Variants in TMTC1 observed in about 807,000 individuals in gnomAD.
The protein encoded by TMTC1 is transmembrane O-mannosyltransferase targeting cadherins 1, also known as protein O-mannosyl-transferase TMTC1.
Under a neutral mutation model 104.8 loss-of-function variants are expected in TMTC1, and 73 were observed. The ratio of observed to expected loss-of-function variants is 0.70; its 90% confidence interval spans 0.58 to 0.85. The LOEUF is 0.85. TMTC1 is among the 40% of genes least tolerant of loss of function. The probability of loss-of-function intolerance (pLI) is 0.00; values close to 1 mark genes in which losing one functional copy is unlikely to be tolerated. For synonymous variants in TMTC1, 434 were observed against 428.7 expected (o/e 1.01, Z -0.15); for missense variants, 1,035 against 1,096.1 (o/e 0.94, Z 0.79).
intron 5 of TMTC1, among the ~76,000 whole-genome samples, chr12:29,699,597 T>C (rs1268698367): frequency 1.3e-5 from 2 of 151,868 alleles, no homozygotes; most frequent in African/African-American, 4.8e-5. Context: ...AAGATAGTTT[T>C]AGAAATCAGT....
chr12:29,636,990 G>A (rs1368210283), intron 5 of TMTC1, among the ~76,000 whole-genome samples: 3 of 151,938 alleles, frequency 2.0e-5, no homozygotes, highest in Non-Finnish European at 2.9e-5. Flanking sequence ...AGCCAGGGAG[G>A]TCAAGGCTGG....
At chr12:29,642,281 G>A (rs1179530353) in intron 5 of TMTC1, among the ~76,000 whole-genome samples, 1 of 152,144 alleles carries the variant, frequency 6.6e-6, no homozygotes, top group Non-Finnish European at 1.5e-5. Flanking sequence ...GCCTAGGCAC[G>A]TTGTCATCAG....
At chr12:29,768,609 C>T (rs1382979678) in intron 1 of TMTC1, among the ~76,000 whole-genome samples, 3 of 152,180 alleles carry the variant, frequency 2.0e-5, no homozygotes, top group Non-Finnish European at 2.9e-5. Flanking sequence ...GGAAGCATCA[C>T]CTAATTACCA....
intron 5 of TMTC1, among the ~76,000 whole-genome samples, chr12:29,747,799 C>T (rs907574222): frequency 1.3e-5 from 2 of 152,152 alleles, no homozygotes; most frequent in African/African-American, 4.8e-5. Flanking sequence ...TATACATGTA[C>T]AAATGCTTTT....
At chr12:29,686,985 T>TA (rs5797334) in intron 5 of TMTC1, among the ~76,000 whole-genome samples, 20,352 of 151,890 alleles carry the variant, frequency 0.13, 1,632 homozygotes, top group East Asian at 0.34. Flanking sequence ...TATTTTTTAT[T>TA]AAAAAAATGA....
intron 5 of TMTC1, among the ~76,000 whole-genome samples, chr12:29,714,872 C>T (rs1397856283): frequency 6.6e-6 from 1 of 152,232 alleles, no homozygotes; most frequent in Non-Finnish European, 1.5e-5. Flanking sequence ...AAAGACTTTC[C>T]AGAACGAATC....
intron 7 of TMTC1, among the ~76,000 whole-genome samples, chr12:29,588,792 C>T (rs756221802): frequency 6.6e-6 from 1 of 152,014 alleles, no homozygotes; most frequent in Non-Finnish European, 1.5e-5. Context: ...TGTGCCACGC[C>T]GATACATCCT....
chr12:29,623,050 T>C (rs1937756846), intron 6 of TMTC1, among the ~76,000 whole-genome samples: 1 of 152,226 alleles, frequency 6.6e-6, no homozygotes, highest in Non-Finnish European at 1.5e-5. Context: ...GTAAAACATC[T>C]ACTCTTTGAG....
rs2120702567 is a variant in TMTC1, at chr12:29,783,084, G to A, written c.302+366C>T. 8.5e-6 allele frequency: 2 copies of A among 233,964 alleles called. No homozygotes were observed. Among genetic ancestry groups the A allele is most frequent in the Non-Finnish European group, 8.2e-6 (1 of 121,430 alleles). 14.5% of individuals were successfully genotyped at this position (233,964 alleles called of 1,614,324 possible). A position where few individuals can be genotyped will look rare whatever the true frequency, so the allele number is the denominator to read the frequency against. On this transcript the variant is annotated intron_variant, in intron 1 of 17. Transcript: ENST00000539277. This position sits in a 1 kb window ranked among gnomAD's most constrained non-coding sequence, Gnocchi z 4.7. ...GCATCGCCACCACCGCCACCCCTCC[G>A]GAACCCTCTGGGTCCGCGCTAGTCC...
chr12:29,586,248 G>T (rs1482808224), intron 7 of TMTC1, among the ~76,000 whole-genome samples: 8 of 152,022 alleles, frequency 5.3e-5, no homozygotes, highest in Non-Finnish European at 1.2e-4. Flanking sequence ...TCTGTTATTG[G>T]TGTATAAGAA....
rs529233849 is a variant in TMTC1, at chr12:29,698,631, T to G, written c.938+53035A>C. Among the ~76,000 whole-genome samples, 56 of 152,328 alleles carry G rather than the reference T, an allele frequency of 3.7e-4. 2 individuals are homozygous for G. In the South Asian group the frequency reaches 0.011, roughly 30 times the overall value. ...TTGTTCTTCACCTGCCCCAGTGTTT[T>G]ATTTGCCTCATTCCCCCCAAACAGT... On this transcript the variant is annotated intron_variant, in intron 5 of 17. Transcript: ENST00000539277.
At chr12:29,733,553 A>C (rs1942598395) in intron 5 of TMTC1, among the ~76,000 whole-genome samples, 1 of 152,230 alleles carries the variant, frequency 6.6e-6, no homozygotes, top group South Asian at 2.1e-4. Flanking sequence ...AGGCTATACA[A>C]GTCAGGCTAA....
At chr12:29,585,955 G>GT (rs1240861431) in intron 7 of TMTC1, among the ~76,000 whole-genome samples, 2 of 151,818 alleles carry the variant, frequency 1.3e-5, no homozygotes, top group Non-Finnish European at 1.5e-5. Context: ...CTTTAAAGGA[G>GT]TTTTTTCCAA....
intron 5 of TMTC1, among the ~76,000 whole-genome samples, chr12:29,696,793 C>T (rs1941437682): frequency 6.6e-6 from 1 of 152,032 alleles, no homozygotes; most frequent in African/African-American, 2.4e-5. Flanking sequence ...GTATTTTGTG[C>T]AAATTAACAG....
intron 5 of TMTC1, among the ~76,000 whole-genome samples, chr12:29,683,508 C>T (rs368529569): frequency 7.9e-5 from 12 of 152,290 alleles, no homozygotes; most frequent in Middle Eastern, 3.4e-3. Flanking sequence ...TAAGCCTCAA[C>T]GCAAAATATG....
chr12:29,645,884 T>C lies in TMTC1; in HGVS notation c.939-12548A>G, dbSNP rs192553217. Among the ~76,000 whole-genome samples the C allele has an allele frequency of 3.8e-4, 58 of 152,314 alleles. 1 individual carries two copies. The highest frequency in any genetic ancestry group is 1.4e-3 in the African/African-American group (58 of 41,582). On this transcript the variant is annotated intron_variant, in intron 5 of 17. Coordinates refer to ENST00000539277, the MANE Select transcript of TMTC1 (RefSeq NM_001193451.2). Reference sequence around the variant, plus strand: ...TTCGCTAGTTTACAAAGCATTTGTGTATACGGATTATTTGACAGCAAATCC... The same window carrying C: ...TTCGCTAGTTTACAAAGCATTTGTGCATACGGATTATTTGACAGCAAATCC...
At chr12:29,712,006 CAAAAAAAAAAAAAAA>C (rs34419655) in intron 5 of TMTC1, among the ~76,000 whole-genome samples, 53 of 43,944 alleles carry the variant, frequency 1.2e-3, no homozygotes, top group South Asian at 1.8e-3. Flanking sequence ...GACTCCATCT[CAAAAAAAAAAAAAAA>C]AAAAAAAAAA....
chr12:29,687,301 T>C (rs1005641391), intron 5 of TMTC1, among the ~76,000 whole-genome samples: 1 of 151,990 alleles, frequency 6.6e-6, no homozygotes, highest in Admixed American at 6.6e-5. Context: ...GGGCACACTA[T>C]GACTTCTGCA....
At chr12:29,746,856 T>C (rs927122977) in intron 5 of TMTC1, among the ~76,000 whole-genome samples, 3 of 152,210 alleles carry the variant, frequency 2.0e-5, no homozygotes, top group Non-Finnish European at 4.4e-5. Flanking sequence ...GTTCGTTTTA[T>C]GTAGAAATAT....
Sources: allele counts gnomAD v4.1 joint callset (sites outside exome capture counted in the v4.1 genomes callset), GRCh38; gene constraint gnomAD v4.1.1; non-coding constraint Gnocchi (gnomAD v3.1); transcripts MANE v1.5; gene names NCBI Gene and HGNC (gene_info 2026-07-23, HGNC 2026-07-21).